CADM1: variants seen among roughly 807,000 people sequenced by gnomAD.
The protein encoded by CADM1 is cell adhesion molecule 1, also known as TSLC-1.
In CADM1, 15 loss-of-function variants were observed where a neutral mutation model predicts 53.1. The observed-to-expected ratio is 0.28, with a 90% CI of 0.19 to 0.44. CADM1 has a LOEUF of 0.44. CADM1 is among the 20% of genes least tolerant of loss of function. CADM1 has a pLI of 1.00. For missense variants in CADM1, 434 were observed against 611.3 expected (o/e 0.71, Z 3.06); for synonymous variants, 281 against 243.0 (o/e 1.16, Z -1.45).
At chr11:115,501,764 C>CCT (rs1398511350) in intron 1 of CADM1, among the ~76,000 whole-genome samples, 1 of 152,064 alleles carries the variant, frequency 6.6e-6, no homozygotes, top group Non-Finnish European at 1.5e-5. Flanking sequence ...GTTTCTTTAA[C>CCT]CCTGGGAGTG....
intron 1 of CADM1, among the ~76,000 whole-genome samples, chr11:115,496,701 T>C (rs962612439): frequency 6.6e-6 from 1 of 152,070 alleles, no homozygotes; most frequent in East Asian, 1.9e-4. Flanking sequence ...GAGCCTCCTG[T>C]TAGCAAAACA....
At chr11:115,258,259 G>T (rs780444278) in intron 1 of CADM1, among the ~76,000 whole-genome samples, 2 of 152,052 alleles carry the variant, frequency 1.3e-5, no homozygotes, top group Admixed American at 6.5e-5. Context: ...TACCGTATCA[G>T]CTCAGATTTA....
intron 1 of CADM1, chr11:115,399,484 G>T (rs1327135120): frequency 6.6e-6 from 1 of 152,082 alleles, no homozygotes; most frequent in East Asian, 1.9e-4. Flanking sequence ...TTTTGAAGCT[G>T]ATGTATCCAA....
Position 115,170,797 on chromosome 11 carries a change from C to T in CADM1, c.*5677G>A, listed in dbSNP as rs937635074. On this transcript the variant is annotated 3_prime_UTR_variant, in exon 12 of 12. Coordinates refer to ENST00000331581, the MANE Select transcript of CADM1 (RefSeq NM_001301043.2). ...TTACCCAAAATGATATTCCCTGATA[C>T]TATTCCAGTGGGTCCTTGAGAATGA... The T allele has an allele frequency of 4.6e-5, 7 of 152,216 alleles. No homozygotes were observed. The South Asian group carries it at 1.4e-3, about 32-fold the overall frequency. The allele number at this position is 152,216 out of a possible 1,614,324, so 9.4% of individuals were successfully genotyped here.
chr11:115,184,250 C>T (rs1223932288), intron 10 of CADM1, among the ~76,000 whole-genome samples: 1 of 152,144 alleles, frequency 6.6e-6, no homozygotes. Flanking sequence ...AAAAATGTAG[C>T]TACCCATTCT....
intron 1 of CADM1, among the ~76,000 whole-genome samples, chr11:115,273,055 A>G (rs924159385): frequency 2.6e-5 from 4 of 152,194 alleles, no homozygotes; most frequent in African/African-American, 9.6e-5. Flanking sequence ...TAAACCTACT[A>G]CAACAGCAGA....
intron 9 of CADM1, among the ~76,000 whole-genome samples, chr11:115,197,497 T>C (rs1457763294): frequency 3.3e-5 from 5 of 152,142 alleles, no homozygotes; most frequent in African/African-American, 1.2e-4. Context: ...AGCTAAGTAA[T>C]AAAGTAATAT....
chr11:115,271,408 G>C (rs781001699), intron 1 of CADM1, among the ~76,000 whole-genome samples: 2 of 151,982 alleles, frequency 1.3e-5, no homozygotes, highest in Non-Finnish European at 2.9e-5. Context: ...TCAGCCTCCC[G>C]AGTAGCTGGG....
Position 115,231,360 on chromosome 11 carries a change from C to T in CADM1, c.555G>A (p.Glu185=). Residue 185 remains glutamate, a synonymous_variant, in exon 4 of 12, where the codon GAG becomes GAA. Coordinates refer to ENST00000331581, the MANE Select transcript of CADM1 (RefSeq NM_001301043.2). ...TTIRWFKGNT[E]LKGKSEVEEW... ...TGGCAATCTGCAGCTTACCTTTTAG[C>T]TCTGTGTTCCCTTTGAACCACCTGA... 6.2e-7 allele frequency: 1 copy of T among 1,614,174 alleles called. No individual in the cohort carries two copies. Among genetic ancestry groups the T allele is most frequent in the Non-Finnish European group, 8.5e-7 (1 of 1,180,002 alleles).
chr11:115,488,237 A>G (rs1949419400), intron 1 of CADM1, among the ~76,000 whole-genome samples: 1 of 152,314 alleles, frequency 6.6e-6, no homozygotes, highest in South Asian at 2.1e-4. Context: ...TCCATAATTC[A>G]AAGCATTTAA....
intron 9 of CADM1, among the ~76,000 whole-genome samples, chr11:115,193,309 A>G (rs1354522336): frequency 1.3e-5 from 2 of 152,234 alleles, no homozygotes; most frequent in Non-Finnish European, 2.9e-5. Context: ...ATTAAAATGT[A>G]TTCAACATAT....
intron 8 of CADM1, among the ~76,000 whole-genome samples, chr11:115,201,914 C>G (rs1170466659): frequency 6.6e-6 from 1 of 152,100 alleles, no homozygotes; most frequent in African/African-American, 2.4e-5. Flanking sequence ...CTTGAAAACC[C>G]ATTAAGTGTG....
At chr11:115,443,279 G>C (rs1055489880) in intron 1 of CADM1, among the ~76,000 whole-genome samples, 2 of 152,152 alleles carry the variant, frequency 1.3e-5, no homozygotes, top group Non-Finnish European at 2.9e-5. Context: ...CAAAACAACC[G>C]ATCTTCTGAC....
At chr11:115,474,163 C>T (rs970029809) in intron 1 of CADM1, among the ~76,000 whole-genome samples, 10 of 151,138 alleles carry the variant, frequency 6.6e-5, no homozygotes, top group Non-Finnish European at 1.0e-4. Context: ...TGGTGGTGGG[C>T]GCCTGTAGTC....
At chr11:115,482,209 G>A (rs958710422) in intron 1 of CADM1, among the ~76,000 whole-genome samples, 22 of 152,274 alleles carry the variant, frequency 1.4e-4, no homozygotes, top group Middle Eastern at 3.4e-3. Context: ...CCCCCTAGAA[G>A]TCTTTCCTGA....
At chr11:115,182,677 A>G (rs1408445031) in intron 10 of CADM1, among the ~76,000 whole-genome samples, 1 of 152,120 alleles carries the variant, frequency 6.6e-6, no homozygotes, top group Non-Finnish European at 1.5e-5. Flanking sequence ...TCCTTTTGGC[A>G]AAAAGACTGA....
chr11:115,394,098 T>C (rs1414850592), intron 1 of CADM1, among the ~76,000 whole-genome samples: 1 of 152,198 alleles, frequency 6.6e-6, no homozygotes, highest in Non-Finnish European at 1.5e-5. Context: ...TGGTTGTGCT[T>C]ACAGATCTAG....
chr11:115,335,647 C>T (rs938109490), intron 1 of CADM1, among the ~76,000 whole-genome samples: 1 of 152,112 alleles, frequency 6.6e-6, no homozygotes, highest in African/African-American at 2.4e-5. Flanking sequence ...GTCAATCCTG[C>T]ACTTTGAATG....
intron 1 of CADM1, among the ~76,000 whole-genome samples, chr11:115,412,196 T>A (rs1270962239): frequency 1.3e-5 from 2 of 152,062 alleles, no homozygotes; most frequent in East Asian, 3.9e-4. Context: ...AAAAAATTAT[T>A]TTGAATCTGC....
Sources: gnomAD v4.1 joint callset for allele counts (sites outside exome capture counted in the v4.1 genomes callset) on GRCh38, gnomAD v4.1.1 for gene constraint, MANE v1.5 for transcripts, NCBI Gene and HGNC (gene_info 2026-07-23, HGNC 2026-07-21) for gene names.